QTMAN: variants seen among roughly 807,000 people sequenced by gnomAD.
The protein encoded by QTMAN is tRNA-queuosine alpha-mannosyltransferase.
the QTMAN span, among the ~76,000 whole-genome samples, chr2:144,168,064 G>A: frequency 1.3e-5 from 2 of 151,992 alleles, no homozygotes; most frequent in Non-Finnish European, 2.9e-5. Flanking sequence ...AAATCCTTAC[G>A]GAAACTAACT....
the QTMAN span, chr2:143,952,845 T>C: frequency 1.3e-6 from 2 of 1,593,022 alleles, no homozygotes; most frequent in South Asian, 2.2e-5. Context: ...GCTTCCAACC[T>C]AGAAAAATTT....
At chr2:144,219,103 C>A in the QTMAN span, among the ~76,000 whole-genome samples, 1 of 151,992 alleles carries the variant, frequency 6.6e-6, no homozygotes, top group Non-Finnish European at 1.5e-5. Flanking sequence ...AGTGAAAAAT[C>A]ACTTTGCAGT....
the QTMAN span, chr2:144,178,939 C>T: frequency 2.1e-6 from 1 of 469,098 alleles, no homozygotes; most frequent in Non-Finnish European, 4.4e-6. Flanking sequence ...CTCCTGTTTC[C>T]TAATTTGTAA....
chr2:143,964,492 T>C, the QTMAN span, among the ~76,000 whole-genome samples: 175 of 152,260 alleles, frequency 1.1e-3, no homozygotes, highest in Non-Finnish European at 2.0e-3. Flanking sequence ...ATCAATACAT[T>C]AGTAGCTTTC....
chr2:144,044,915 G>C, the QTMAN span, among the ~76,000 whole-genome samples: 2 of 152,192 alleles, frequency 1.3e-5, no homozygotes, highest in African/African-American at 4.8e-5. Context: ...ACTAGAGCAA[G>C]TACAAATGTT....
At chr2:144,197,295 TTGTGTGTG>T in the QTMAN span, among the ~76,000 whole-genome samples, 2 of 147,990 alleles carry the variant, frequency 1.4e-5, no homozygotes, top group South Asian at 2.1e-4. Flanking sequence ...GACTGTATAT[TTGTGTGTG>T]TGTGTGTGTG....
chr2:144,251,868 C>T, the QTMAN span, among the ~76,000 whole-genome samples: 1 of 152,006 alleles, frequency 6.6e-6, no homozygotes, highest in African/African-American at 2.4e-5. Context: ...TTTTTTAAAA[C>T]TCTTAAAACT....
chr2:144,232,137 T>A, the QTMAN span, among the ~76,000 whole-genome samples: 2 of 152,086 alleles, frequency 1.3e-5, no homozygotes, highest in African/African-American at 4.8e-5. Flanking sequence ...AAGATAGCAT[T>A]GGGAGCAATG....
At chr2:144,077,234 T>C in the QTMAN span, among the ~76,000 whole-genome samples, 1 of 152,244 alleles carries the variant, frequency 6.6e-6, no homozygotes, top group South Asian at 2.1e-4. Flanking sequence ...AGTTTTCAAC[T>C]GAAAAAATAT....
the QTMAN span, among the ~76,000 whole-genome samples, chr2:144,214,191 G>C: frequency 6.6e-6 from 1 of 151,992 alleles, no homozygotes; most frequent in Non-Finnish European, 1.5e-5. Context: ...TTTCCTCAAA[G>C]TAATGTACTA....
chr2:144,055,825 C>G, the QTMAN span, among the ~76,000 whole-genome samples: 4 of 152,188 alleles, frequency 2.6e-5, no homozygotes, highest in Non-Finnish European at 5.9e-5. Flanking sequence ...TGACAGAGAC[C>G]TAGAACCTGA....
chr2:144,103,791 T>C, the QTMAN span, among the ~76,000 whole-genome samples: 7 of 152,190 alleles, frequency 4.6e-5, no homozygotes, highest in African/African-American at 1.7e-4. Flanking sequence ...TTAGGTCTTA[T>C]TAAAACTACA....
the QTMAN span, among the ~76,000 whole-genome samples, chr2:144,157,330 A>G: frequency 6.6e-6 from 1 of 152,018 alleles, no homozygotes; most frequent in Non-Finnish European, 1.5e-5. Context: ...TGAGGGTCAC[A>G]TATCTGAAGA....
the QTMAN span, among the ~76,000 whole-genome samples, chr2:144,081,624 G>A: frequency 6.6e-6 from 1 of 152,080 alleles, no homozygotes; most frequent in African/African-American, 2.4e-5. Flanking sequence ...AGGGAAGGAC[G>A]AAGTGGGGAA....
At chr2:144,038,773 A>G in the QTMAN span, among the ~76,000 whole-genome samples, 2 of 152,192 alleles carry the variant, frequency 1.3e-5, no homozygotes, top group Admixed American at 6.5e-5. Context: ...CTACCCCTCA[A>G]TAGAGATTAA....
At chr2:144,182,830 TA>T in the QTMAN span, among the ~76,000 whole-genome samples, 1 of 68,318 alleles carries the variant, frequency 1.5e-5, no homozygotes, top group African/African-American at 6.4e-5. Context: ...ATATATATAA[TA>T]TATATATATT....
chr2:144,072,380 C>G, the QTMAN span, among the ~76,000 whole-genome samples: 1 of 152,146 alleles, frequency 6.6e-6, no homozygotes, highest in Non-Finnish European at 1.5e-5. Flanking sequence ...CTTACCAGCA[C>G]AATTCAAAAG....
chr2:144,079,984 T>C, the QTMAN span, among the ~76,000 whole-genome samples: 2 of 152,210 alleles, frequency 1.3e-5, no homozygotes, highest in Admixed American at 6.5e-5. Flanking sequence ...CAATTGTGCA[T>C]CACTCTTTCT....
chr2:144,108,212 T>C, the QTMAN span, among the ~76,000 whole-genome samples: 3 of 152,182 alleles, frequency 2.0e-5, no homozygotes, highest in Non-Finnish European at 2.9e-5. Context: ...GGATACCCTC[T>C]CTCACCACTC....
Sources: gnomAD v4.1 joint callset for allele counts (sites outside exome capture counted in the v4.1 genomes callset) on GRCh38, gnomAD v4.1.1 for gene constraint, MANE v1.5 for transcripts, NCBI Gene and HGNC (gene_info 2026-07-23, HGNC 2026-07-21) for gene names.